TCF7L2: variants seen among roughly 807,000 people sequenced by gnomAD.
TCF7L2 encodes transcription factor 7-like 2.
TCF7L2 carries 23 observed loss-of-function variants against 77.9 expected under a neutral mutation model. That is an observed-to-expected ratio of 0.30 (90% CI 0.21 to 0.42). The LOEUF (loss-of-function observed/expected upper bound fraction) is 0.42, where lower values mean the gene tolerates loss of function less well. Ranked by LOEUF, TCF7L2 falls within the 10% of genes least tolerant of loss-of-function variation. TCF7L2 has a pLI of 1.00. For synonymous variants in TCF7L2, 413 were observed against 340.2 expected, an observed-to-expected ratio of 1.21 and a Z score of -2.36; for missense variants, 654 against 793.1, an observed-to-expected ratio of 0.82 and a Z score of 2.11.
At chr10:113,079,751 G>A (rs2059129763) in intron 5 of TCF7L2, among the ~76,000 whole-genome samples, 1 of 151,874 alleles carries the variant, frequency 6.6e-6, no homozygotes, top group African/African-American at 2.4e-5. Context: ...TCTGCCTCTC[G>A]GGTACAAGCG....
chr10:112,964,619 G>C lies in TCF7L2; in HGVS notation c.445G>C (p.Val149Leu), dbSNP rs371724482. The change falls in exon 4 of 14, where the codon GTT becomes CTT. Residue 149 changes from valine (V) to leucine (L), a missense_variant. This residue lies in a region of TCF7L2 where 179 missense variants were observed against 270.6 expected (regional missense o/e 0.66). Coordinates refer to ENST00000627217, the MANE Select transcript of TCF7L2 (RefSeq NM_001146274.2). ...CAAAACGATTGAACACCAGATTGCA[G>C]TTCAGGTAGGAAACGCAAGAGATTC... 1 of 1,613,040 alleles carries C rather than the reference G, an allele frequency of 6.2e-7. No individual in the cohort carries two copies. Among genetic ancestry groups the C allele is most frequent in the Non-Finnish European group, 8.5e-7 (1 of 1,179,310 alleles).
intron 5 of TCF7L2, chr10:113,089,682 A>G (rs1250325693): frequency 8.7e-7 from 1 of 1,144,902 alleles, no homozygotes; most frequent in Non-Finnish European, 1.2e-6. Context: ...TTTGGGTGCC[A>G]TGATGTCTGG....
At chr10:113,048,756 A>G (rs1216395495) in intron 5 of TCF7L2, among the ~76,000 whole-genome samples, 2 of 152,114 alleles carry the variant, frequency 1.3e-5, no homozygotes, top group Admixed American at 6.5e-5. Flanking sequence ...TCTCTCCTCA[A>G]TCTTGGTTTA....
intron 5 of TCF7L2, among the ~76,000 whole-genome samples, chr10:113,076,479 A>G (rs1420022780): frequency 2.0e-5 from 3 of 152,226 alleles, no homozygotes; most frequent in African/African-American, 7.2e-5. Context: ...GACCCAGACC[A>G]AAATCATCTT....
At chr10:112,961,548 A>G (rs1189236864) in intron 3 of TCF7L2, among the ~76,000 whole-genome samples, 1 of 152,128 alleles carries the variant, frequency 6.6e-6, no homozygotes, top group South Asian at 2.1e-4. Context: ...AGACATCTTT[A>G]TGTTTTACAG....
At chr10:113,006,748 G>A (rs1033870267) in intron 4 of TCF7L2, among the ~76,000 whole-genome samples, 5 of 152,226 alleles carry the variant, frequency 3.3e-5, no homozygotes, top group Non-Finnish European at 5.9e-5. Flanking sequence ...AAATGGAAAT[G>A]TGTTGGCATC....
chr10:113,081,267 G>A (rs138673326), intron 5 of TCF7L2, among the ~76,000 whole-genome samples: 7 of 152,280 alleles, frequency 4.6e-5, no homozygotes, highest in East Asian at 3.9e-4. Flanking sequence ...TCTTGGCCCC[G>A]TGATTCTGCC....
At chr10:113,112,947 G>A (rs1458127800) in intron 5 of TCF7L2, among the ~76,000 whole-genome samples, 1 of 152,098 alleles carries the variant, frequency 6.6e-6, no homozygotes, top group Non-Finnish European at 1.5e-5. Context: ...GTTTCTATTT[G>A]TCATTGCGGT....
At chr10:113,137,602 G>A (rs1256979321) in intron 5 of TCF7L2, among the ~76,000 whole-genome samples, 1 of 152,228 alleles carries the variant, frequency 6.6e-6, no homozygotes, top group Non-Finnish European at 1.5e-5. Context: ...AGTTGTAATT[G>A]AGATAGTGTC....
chr10:113,015,718 A>G (rs1461307011), intron 4 of TCF7L2, among the ~76,000 whole-genome samples: 3 of 151,924 alleles, frequency 2.0e-5, no homozygotes, highest in Non-Finnish European at 2.9e-5. Context: ...CTGGGCCTCA[A>G]AGATGCCAAA....
chr10:113,073,617 A>G (rs2058347409), intron 5 of TCF7L2, among the ~76,000 whole-genome samples: 1 of 147,382 alleles, frequency 6.8e-6, no homozygotes, highest in African/African-American at 2.5e-5. Context: ...GCTTGAGCCC[A>G]GGGGTTTGCG....
intron 4 of TCF7L2, among the ~76,000 whole-genome samples, chr10:113,015,058 C>T (rs1170422319): frequency 1.3e-5 from 2 of 152,114 alleles, no homozygotes; most frequent in Non-Finnish European, 2.9e-5. Flanking sequence ...TGGTAGCGGA[C>T]GCCTGTAAGC....
At chr10:113,021,191 G>C (rs1297427317) in intron 4 of TCF7L2, among the ~76,000 whole-genome samples, 4 of 152,184 alleles carry the variant, frequency 2.6e-5, no homozygotes, top group African/African-American at 4.8e-5. Context: ...CTGTGACCTT[G>C]GGCGGGTTGC....
intron 4 of TCF7L2, among the ~76,000 whole-genome samples, chr10:113,020,546 G>A (rs1279041335): frequency 6.6e-6 from 1 of 152,238 alleles, no homozygotes; most frequent in Non-Finnish European, 1.5e-5. Flanking sequence ...TTGCTGACAT[G>A]GTGCAAAGAG....
At chr10:113,147,394 A>G (rs1005500088) in intron 8 of TCF7L2, among the ~76,000 whole-genome samples, 24 of 152,184 alleles carry the variant, frequency 1.6e-4, no homozygotes, top group Non-Finnish European at 3.1e-4. Flanking sequence ...AAGAAAAACA[A>G]ACCGTGGCAT....
intron 5 of TCF7L2, chr10:113,126,894 G>T: frequency 1.0e-6 from 1 of 985,522 alleles, no homozygotes; most frequent in Non-Finnish European, 1.2e-6. Flanking sequence ...AAGCGCGGCC[G>T]GCGGCGGGCG....
chr10:113,049,954 G>A (rs1327805220), intron 5 of TCF7L2, among the ~76,000 whole-genome samples: 1 of 152,164 alleles, frequency 6.6e-6, no homozygotes, highest in Non-Finnish European at 1.5e-5. Context: ...GGGCGTGGCT[G>A]ATGTTTTCAA....
intron 5 of TCF7L2, among the ~76,000 whole-genome samples, chr10:113,120,713 C>G (rs927089945): frequency 3.3e-4 from 50 of 152,126 alleles, no homozygotes; most frequent in African/African-American, 1.1e-3. Context: ...CTAACAGCAC[C>G]AGTGTCACAG....
intron 4 of TCF7L2, among the ~76,000 whole-genome samples, chr10:112,979,773 ATAAAAAAAAT>A (rs1162253438): frequency 6.6e-6 from 1 of 151,984 alleles, no homozygotes; most frequent in Non-Finnish European, 1.5e-5. Flanking sequence ...AATAAAAAAA[ATAAAAAAAAT>A]AAACGAAGAC....
Sources: allele counts gnomAD v4.1 joint callset (sites outside exome capture counted in the v4.1 genomes callset), GRCh38; gene constraint gnomAD v4.1.1; regional missense constraint gnomAD v4.1.1; transcripts MANE v1.5; gene names NCBI Gene and HGNC (gene_info 2026-07-23, HGNC 2026-07-21).